COMMD1: variants seen among roughly 807,000 people sequenced by gnomAD.
COMMD1 encodes the protein COMM domain-containing protein 1.
COMMD1 carries 10 observed loss-of-function variants against 17.2 expected under a neutral mutation model. The ratio of observed to expected loss-of-function variants is 0.58; its 90% CI spans 0.36 to 0.99. COMMD1 has a LOEUF of 0.99. Among genes scored for constraint, COMMD1 ranks in the 50% least tolerant of loss-of-function variants. The pLI is 0.01. For synonymous variants in COMMD1, 97 were observed against 91.6 expected (o/e 1.06, Z -0.34); for missense variants, 270 against 231.8 (o/e 1.17, Z -1.07).
At chr2:62,028,972 A>AT (rs1669842601) in intron 2 of COMMD1, among the ~76,000 whole-genome samples, 1 of 152,202 alleles carries the variant, frequency 6.6e-6, no homozygotes, top group African/African-American at 2.4e-5. Flanking sequence ...TGGCTTCACC[A>AT]TCAATTTATG....
chr2:62,032,047 T>C (rs1206363077), intron 2 of COMMD1, among the ~76,000 whole-genome samples: 1 of 152,222 alleles, frequency 6.6e-6, no homozygotes, highest in Non-Finnish European at 1.5e-5. Flanking sequence ...TTCATACAAT[T>C]TATTATTTCC....
intron 2 of COMMD1, among the ~76,000 whole-genome samples, chr2:62,107,506 C>T (rs1434690654): frequency 6.6e-6 from 1 of 152,234 alleles, no homozygotes; most frequent in Non-Finnish European, 1.5e-5. Flanking sequence ...CCAGCCTTCT[C>T]CATCCAGCTT....
intron 2 of COMMD1, among the ~76,000 whole-genome samples, chr2:62,134,094 G>A (rs1673120276): frequency 1.3e-5 from 2 of 152,172 alleles, no homozygotes; most frequent in South Asian, 4.1e-4. Flanking sequence ...GAGCCACCAT[G>A]CCTGGCCTGG....
intron 2 of COMMD1, among the ~76,000 whole-genome samples, chr2:62,074,545 C>A (rs1416822507): frequency 6.6e-6 from 1 of 152,216 alleles, no homozygotes; most frequent in African/African-American, 2.4e-5. Flanking sequence ...CAGTCAAATT[C>A]TGTATTATAC....
At chr2:62,100,711 G>T (rs534979289) in intron 2 of COMMD1, among the ~76,000 whole-genome samples, 3 of 152,246 alleles carry the variant, frequency 2.0e-5, no homozygotes, top group Non-Finnish European at 4.4e-5. Context: ...AGGTTCTTTT[G>T]AAGTCTTATA....
intron 2 of COMMD1, among the ~76,000 whole-genome samples, chr2:62,120,863 C>T (rs1179243760): frequency 6.6e-6 from 1 of 152,134 alleles, no homozygotes; most frequent in Non-Finnish European, 1.5e-5. Flanking sequence ...GCTAGGACTA[C>T]AGGCATGTGC....
At chr2:62,024,198 G>T (rs1253382953) in intron 2 of COMMD1, among the ~76,000 whole-genome samples, 2 of 152,024 alleles carry the variant, frequency 1.3e-5, no homozygotes, top group African/African-American at 4.8e-5. Flanking sequence ...GGTGTTCACG[G>T]TGATGATTTT....
At chr2:61,968,800 C>T (rs1486186002) in intron 1 of COMMD1, among the ~76,000 whole-genome samples, 4 of 151,972 alleles carry the variant, frequency 2.6e-5, no homozygotes, top group African/African-American at 9.7e-5. Context: ...TCAAGCAGTC[C>T]ATTTGCCTCT....
intron 2 of COMMD1, among the ~76,000 whole-genome samples, chr2:62,095,061 A>G (rs1005578640): frequency 4.6e-5 from 7 of 152,196 alleles, no homozygotes; most frequent in Non-Finnish European, 7.3e-5. Context: ...TAATTTCCCC[A>G]TACACATGTG....
intron 2 of COMMD1, among the ~76,000 whole-genome samples, 153 bp from the exon 3 acceptor site, chr2:62,135,678 G>A (rs1388856700): frequency 6.6e-6 from 1 of 152,208 alleles, no homozygotes; most frequent in Non-Finnish European, 1.5e-5. Context: ...AGGGCATTAT[G>A]TGGATATGCT....
At chr2:62,122,950 G>A (rs1246549922) in intron 2 of COMMD1, among the ~76,000 whole-genome samples, 1 of 152,216 alleles carries the variant, frequency 6.6e-6, no homozygotes. Flanking sequence ...GAGGGTATGT[G>A]TGTGTATGTG....
chr2:61,959,550 A>T (rs1671285273), intron 1 of COMMD1, among the ~76,000 whole-genome samples: 1 of 152,226 alleles, frequency 6.6e-6, no homozygotes, highest in Non-Finnish European at 1.5e-5. Flanking sequence ...TTTTACAGAT[A>T]AGTAAACTGA....
At chr2:61,942,478 T>A (rs1313437557) in intron 1 of COMMD1, among the ~76,000 whole-genome samples, 1 of 151,886 alleles carries the variant, frequency 6.6e-6, no homozygotes, top group Non-Finnish European at 1.5e-5. Flanking sequence ...GTGGCACTCA[T>A]GATCTGCCTG....
intron 2 of COMMD1, among the ~76,000 whole-genome samples, chr2:62,129,089 C>A (rs960142028): frequency 6.6e-6 from 1 of 152,122 alleles, no homozygotes; most frequent in Non-Finnish European, 1.5e-5. Flanking sequence ...CTCTGCTCAA[C>A]CTTGGAGTTT....
At position 61,940,724 on chromosome 2, in the gene COMMD1, C is replaced by T. The variant is rs373829484; in HGVS notation, c.180+34866C>T. Among the ~76,000 whole-genome samples, 12 of 151,840 alleles carry T rather than the reference C, an allele frequency of 7.9e-5. No individual in the cohort carries two copies. In the South Asian group the frequency reaches 2.5e-3, roughly 32 times the overall value. On this transcript the variant is annotated intron_variant, in intron 1 of 2. Coordinates refer to ENST00000311832, the MANE Select transcript of COMMD1 (RefSeq NM_152516.4). ...TTTTTTTGAGGCAGAGTCTCTGTCA[C>T]CCAGGCTGGAGTGCAGTGGCGCGAA...
intron 2 of COMMD1, among the ~76,000 whole-genome samples, chr2:62,035,618 A>G (rs1383989827): frequency 2.6e-5 from 4 of 151,950 alleles, no homozygotes; most frequent in Admixed American, 2.0e-4. Flanking sequence ...GCATGCCTGC[A>G]GCCCCAACTA....
intron 1 of COMMD1, among the ~76,000 whole-genome samples, chr2:61,909,810 G>A (rs934475352): frequency 1.3e-5 from 2 of 152,226 alleles, no homozygotes; most frequent in Non-Finnish European, 2.9e-5. Context: ...AGGGGATACA[G>A]CGGACACACG....
At chr2:61,891,667 G>A (rs1185909818) in intron 1 of COMMD1, among the ~76,000 whole-genome samples, 2 of 151,944 alleles carry the variant, frequency 1.3e-5, no homozygotes, top group African/African-American at 4.8e-5. Context: ...GGCAGAGGTT[G>A]TAGTGAGCCG....
rs533920796 is a variant in COMMD1 at position 62,041,741 on chromosome 2, T to C, written c.462+40759T>C. Among the ~76,000 whole-genome samples, 7 of 152,316 alleles carry C rather than the reference T, an allele frequency of 4.6e-5. No homozygotes were observed. The East Asian group carries it at 1.3e-3, about 29-fold the overall frequency. On this transcript the variant is annotated intron_variant, in intron 2 of 2. Transcript: ENST00000311832. ...CCCTCACGGGTGAGTGTTACAGTTCTTAAAGATGGTGTGTCTGGAGTTCGT... is the reference window on the plus strand; with the variant it reads ...CCCTCACGGGTGAGTGTTACAGTTCCTAAAGATGGTGTGTCTGGAGTTCGT...
Sources: gnomAD v4.1 joint callset for allele counts (sites outside exome capture counted in the v4.1 genomes callset) on GRCh38, gnomAD v4.1.1 for gene constraint, MANE v1.5 for transcripts, NCBI Gene and HGNC (gene_info 2026-07-23, HGNC 2026-07-21) for gene names.